The following MVB12B variants were observed in gnomAD, a reference collection of about 807,000 sequenced individuals.
MVB12B encodes the protein multivesicular body subunit 12B.
Under a neutral mutation model 41.6 loss-of-function variants are expected in MVB12B, and 16 were observed. The ratio of observed to expected loss-of-function variants is 0.38; its 90% CI spans 0.26 to 0.58. The LOEUF (loss-of-function observed/expected upper bound fraction) is 0.58. Ranked by LOEUF, MVB12B falls within the 20% of genes least tolerant of loss-of-function variation. The probability of loss-of-function intolerance (pLI) is 0.62; values close to 1 mark genes in which losing one functional copy is unlikely to be tolerated. For synonymous variants in MVB12B, 133 were observed against 139.7 expected (o/e 0.95, Z 0.34); for missense variants, 274 against 380.2 (o/e 0.72, Z 2.32).
intron 7 of MVB12B, among the ~76,000 whole-genome samples, chr9:126,456,194 T>C (rs1588187327): frequency 6.6e-6 from 1 of 152,308 alleles, no homozygotes; most frequent in East Asian, 1.9e-4. Flanking sequence ...CCCCGCCTGA[T>C]AGGTTATCTT....
chr9:126,445,510 G>T (rs1006869509), intron 7 of MVB12B, among the ~76,000 whole-genome samples: 6 of 152,098 alleles, frequency 3.9e-5, no homozygotes, highest in African/African-American at 1.4e-4. Context: ...CACCATGTTG[G>T]CCAGGCTGGT....
intron 7 of MVB12B, among the ~76,000 whole-genome samples, chr9:126,474,960 C>T (rs887890407): frequency 3.3e-5 from 5 of 152,164 alleles, no homozygotes; most frequent in South Asian, 2.1e-4. Context: ...GTGACTCATC[C>T]GGGCACCAGG....
At position 126,372,764 on chromosome 9, in the gene MVB12B, ATC is replaced by A. The variant is rs1307287938; in HGVS notation, c.205-8298_205-8297del. 2.6e-5 allele frequency among the ~76,000 whole-genome samples: 4 copies of A among 152,202 alleles called. No homozygotes were observed. In the South Asian group the frequency reaches 6.2e-4, roughly 24 times the overall value. On this transcript the variant is annotated intron_variant, in intron 2 of 9. Coordinates refer to ENST00000361171, the MANE Select transcript of MVB12B (RefSeq NM_033446.3). ...TGGCAGAGCTGGGACTTGAACTCGA[ATC>A]TACCCAACTTCAGAAATCCAAGTTC...
chr9:126,503,616 CCGG>C lies in MVB12B; in HGVS notation c.*355_*357del. Reference sequence around the variant, plus strand: ...TGCCCTGGCCGCCCAGTGACGCCCACCGGCTCCCTCCGCTCCCTCCTGTCACCT... The same window carrying C: ...TGCCCTGGCCGCCCAGTGACGCCCACCTCCCTCCGCTCCCTCCTGTCACCT... On this transcript the variant is annotated 3_prime_UTR_variant, in exon 10 of 10. Transcript: ENST00000361171. 3.1e-6 allele frequency: 1 copy of C among 324,446 alleles called. No individual in the cohort carries two copies. Among genetic ancestry groups the C allele is most frequent in the Non-Finnish European group, 5.6e-6 (1 of 179,420 alleles). 20.1% of individuals were successfully genotyped at this position (324,446 alleles called of 1,614,324 possible). A position where few individuals can be genotyped will look rare whatever the true frequency, so the allele number is the denominator to read the frequency against.
intron 1 of MVB12B, 144 bp downstream of exon 1, chr9:126,327,154 G>A (rs1194370150): frequency 1.4e-6 from 1 of 692,592 alleles, no homozygotes; most frequent in Non-Finnish European, 1.8e-6. Context: ...CTCCGTGCCC[G>A]GCCCGCGGCG....
intron 8 of MVB12B, 79 bp downstream of exon 8, chr9:126,481,503 CA>C: frequency 4.7e-6 from 5 of 1,059,256 alleles, no homozygotes; most frequent in Non-Finnish European, 7.4e-6. Context: ...ACACAGCACG[CA>C]GGGCTGTTCT....
At chr9:126,429,048 A>G (rs8181123) in intron 7 of MVB12B, among the ~76,000 whole-genome samples, 133,735 of 152,212 alleles carry the variant, frequency 0.88, 58,912 homozygotes, top group East Asian at 1. Flanking sequence ...AGGAACATCA[A>G]TTTGGCACAG....
At position 126,436,517 on chromosome 9, in the gene MVB12B, A is replaced by G. The variant is rs1396063883; in HGVS notation, c.757+14569A>G. On this transcript the variant is annotated intron_variant, in intron 7 of 9. Transcript: ENST00000361171. The surrounding 1 kb of genome is among the most constrained non-coding windows in gnomAD (Gnocchi z 4.1). ...TCTGCCACTTAGTATAAAAGTGAAA[A>G]GGTTACGTGTACTAGTTTGAGTATA... 6.6e-6 allele frequency among the ~76,000 whole-genome samples: 1 copy of G among 152,234 alleles called. No individual in the cohort carries two copies. The highest frequency in any genetic ancestry group is 1.5e-5 in the Non-Finnish European group (1 of 68,040).
intron 7 of MVB12B, among the ~76,000 whole-genome samples, chr9:126,446,543 A>C (rs528862000): frequency 6.7e-6 from 1 of 148,774 alleles, no homozygotes; most frequent in South Asian, 2.1e-4. Flanking sequence ...TGTCTGAACT[A>C]TGTGGACCTG....
At chr9:126,445,402 G>A (rs949723307) in intron 7 of MVB12B, among the ~76,000 whole-genome samples, 1 of 152,140 alleles carries the variant, frequency 6.6e-6, no homozygotes, top group Non-Finnish European at 1.5e-5. Context: ...CGCCTCCCGG[G>A]TTCAAGCAAT....
At chr9:126,463,479 C>T (rs1233397357) in intron 7 of MVB12B, among the ~76,000 whole-genome samples, 1 of 152,200 alleles carries the variant, frequency 6.6e-6, no homozygotes, top group Non-Finnish European at 1.5e-5. Context: ...GGTTCGAATG[C>T]ACTCAAGTGG....
chr9:126,475,577 G>A (rs1378945668), intron 7 of MVB12B, among the ~76,000 whole-genome samples: 1 of 152,212 alleles, frequency 6.6e-6, no homozygotes, highest in African/African-American at 2.4e-5. Context: ...AGTCTTGCTG[G>A]TCCTGGTGGC....
At chr9:126,457,831 A>C (rs770346105) in intron 7 of MVB12B, among the ~76,000 whole-genome samples, 4 of 152,202 alleles carry the variant, frequency 2.6e-5, no homozygotes, top group Non-Finnish European at 5.9e-5. Context: ...CCTTAGGCAC[A>C]AATGAAATCA....
At chr9:126,377,025 C>T (rs551797761) in intron 2 of MVB12B, among the ~76,000 whole-genome samples, 4 of 146,400 alleles carry the variant, frequency 2.7e-5, no homozygotes, top group Non-Finnish European at 4.5e-5. Flanking sequence ...CTTGCTAAAT[C>T]CCTTGCCCTC....
chr9:126,491,473 C>G (rs1291478127), intron 9 of MVB12B, among the ~76,000 whole-genome samples: 1 of 152,126 alleles, frequency 6.6e-6, no homozygotes, highest in African/African-American at 2.4e-5. Context: ...TGTGCGGTCC[C>G]TTTGCACCAT....
intron 2 of MVB12B, among the ~76,000 whole-genome samples, chr9:126,373,160 G>A (rs962450255): frequency 5.3e-5 from 8 of 152,194 alleles, no homozygotes; most frequent in African/African-American, 1.9e-4. Flanking sequence ...AGACATTTCA[G>A]CTAAAGGTAT....
At position 126,367,181 on chromosome 9, in the gene MVB12B, C is replaced by T. The variant is rs186888361; in HGVS notation, c.205-13883C>T. 7.2e-5 allele frequency among the ~76,000 whole-genome samples: 11 copies of T among 152,252 alleles called. No individual in the cohort carries two copies. Among genetic ancestry groups the T allele is most frequent in the Non-Finnish European group, 1.5e-4 (10 of 68,010 alleles). On this transcript the variant is annotated intron_variant, in intron 2 of 9. Transcript: ENST00000361171. This position sits in a 1 kb window ranked among gnomAD's most constrained non-coding sequence, Gnocchi z 4.3. ...AAGCAGTCTCTGGTGCCTCCCATCTCGACTCCAGGTTTCTCCTATAAGCGC... is the reference window on the plus strand; with the variant it reads ...AAGCAGTCTCTGGTGCCTCCCATCTTGACTCCAGGTTTCTCCTATAAGCGC...
chr9:126,372,339 A>G (rs557277311), intron 2 of MVB12B, among the ~76,000 whole-genome samples: 25 of 152,302 alleles, frequency 1.6e-4, no homozygotes, highest in Admixed American at 2.6e-4. Context: ...GAACATTCAC[A>G]TGCAAGTTTG....
At chr9:126,440,516 A>T (rs1208466059) in intron 7 of MVB12B, among the ~76,000 whole-genome samples, 1 of 152,308 alleles carries the variant, frequency 6.6e-6, no homozygotes, top group East Asian at 1.9e-4. Flanking sequence ...GCTGAAATAC[A>T]TGTAATAAAG....
Sources: gnomAD v4.1 joint callset for allele counts (sites outside exome capture counted in the v4.1 genomes callset) on GRCh38, gnomAD v4.1.1 for gene constraint, Gnocchi (gnomAD v3.1) non-coding constraint, MANE v1.5 for transcripts, NCBI Gene and HGNC (gene_info 2026-07-23, HGNC 2026-07-21) for gene names.